The following ATAD2 variants were observed in gnomAD, a reference collection of about 807,000 sequenced individuals.
The protein encoded by ATAD2 is ATPase family AAA domain containing 2.
A neutral mutation model predicts 168.9 loss-of-function variants in ATAD2; 62 were observed. That is an observed-to-expected ratio of 0.37 (90% CI 0.30 to 0.45). The LOEUF (loss-of-function observed/expected upper bound fraction) is 0.45. ATAD2 is among the 20% of genes least tolerant of loss of function. ATAD2 has a pLI of 1.00. For synonymous variants in ATAD2, 613 were observed against 571.6 expected (o/e 1.07, Z -1.03); for missense variants, 1,419 against 1,667.8 (o/e 0.85, Z 2.60).
intron 8 of ATAD2, among the ~76,000 whole-genome samples, chr8:123,368,222 A>G (rs1290416403): frequency 6.6e-6 from 1 of 152,192 alleles, no homozygotes; most frequent in African/African-American, 2.4e-5. Context: ...GTTTGAGACC[A>G]GCCTGGCCAA....
At chr8:123,414,759 A>G (rs1401415209) in intron 1 of ATAD2, among the ~76,000 whole-genome samples, 1 of 152,238 alleles carries the variant, frequency 6.6e-6, no homozygotes, top group Non-Finnish European at 1.5e-5. Context: ...AAGAAAGGTT[A>G]TTGCCAGGCT....
Position 123,347,454 on chromosome 8 carries a change from G to C in ATAD2, c.1898-48C>G, listed in dbSNP as rs530864988. 2.3e-5 allele frequency: 34 copies of C among 1,473,146 alleles called. No individual in the cohort carries two copies. In the Admixed American group the frequency reaches 7.3e-4, roughly 32 times the overall value. 91.3% of individuals were successfully genotyped at this position (1,473,146 alleles called of 1,614,324 possible). A position where few individuals can be genotyped will look rare whatever the true frequency, so the allele number is the denominator to read the frequency against. On this transcript the variant is annotated intron_variant, in intron 15 of 27. Transcript: ENST00000287394. ...GAAAAGAACCAGCCGACCAAACAAA[G>C]AAACACAAAACTCTATTAGCATGAC...
At chr8:123,327,150 A>C (rs1827637697) in intron 25 of ATAD2, among the ~76,000 whole-genome samples, 2 of 151,968 alleles carry the variant, frequency 1.3e-5, no homozygotes, top group Non-Finnish European at 2.9e-5. Context: ...CTCGTGATCC[A>C]CCCACAGCCT....
At chr8:123,358,723 CTTTTTTTTT>C (rs772822406) in intron 11 of ATAD2, among the ~76,000 whole-genome samples, 10 of 76,852 alleles carry the variant, frequency 1.3e-4, no homozygotes, top group South Asian at 4.2e-4. Flanking sequence ...TGGTACATTA[CTTTTTTTTT>C]TTTTTTTTTT....
chr8:123,349,023 TC>T (rs1828359268), intron 14 of ATAD2, among the ~76,000 whole-genome samples: 1 of 152,198 alleles, frequency 6.6e-6, no homozygotes. Flanking sequence ...GATTGATTAC[TC>T]ATTAAGCCAT....
chr8:123,401,610 T>A, intron 1 of ATAD2: 1 of 1,132,220 alleles, frequency 8.8e-7, no homozygotes, highest in Non-Finnish European at 1.3e-6. Context: ...GGGCACTGTG[T>A]GTACAAGGTG....
At chr8:123,383,507 C>A (rs1046852208) in intron 1 of ATAD2, among the ~76,000 whole-genome samples, 1 of 152,200 alleles carries the variant, frequency 6.6e-6, no homozygotes. Context: ...CATGGTGGCT[C>A]ATGCCTGTAA....
intron 1 of ATAD2, among the ~76,000 whole-genome samples, chr8:123,395,852 G>A (rs556606430): frequency 1.3e-5 from 2 of 152,302 alleles, no homozygotes; most frequent in African/African-American, 4.8e-5. Context: ...AGGAGCCTGG[G>A]CGATCGATCG....
intron 18 of ATAD2, 84 bp from the exon 19 acceptor site, chr8:123,345,153 C>T (rs1360332936): frequency 1.6e-6 from 2 of 1,283,906 alleles, no homozygotes; most frequent in African/African-American, 3.0e-5. Flanking sequence ...AATGTTTAAC[C>T]TCCCAGGAGT....
chr8:123,381,912 G>T (rs1402904307), intron 1 of ATAD2, among the ~76,000 whole-genome samples: 2 of 152,102 alleles, frequency 1.3e-5, no homozygotes. Flanking sequence ...TGGGCCTGGT[G>T]GTGCGTGCAT....
chr8:123,389,690 C>T (rs1413182353), intron 1 of ATAD2, among the ~76,000 whole-genome samples: 2 of 151,456 alleles, frequency 1.3e-5, no homozygotes, highest in African/African-American at 4.8e-5. Flanking sequence ...ACTTCTTTAG[C>T]TGGAAACAAC....
At chr8:123,337,893 C>T (rs1827961299) in intron 20 of ATAD2, 72 bp from the exon 21 acceptor site, 1 of 1,406,892 alleles carries the variant, frequency 7.1e-7, no homozygotes, top group Non-Finnish European at 9.5e-7. Flanking sequence ...TTAATGAAAA[C>T]AGAGTCAGGA....
At chr8:123,389,349 C>T (rs1829742107) in intron 1 of ATAD2, among the ~76,000 whole-genome samples, 1 of 149,330 alleles carries the variant, frequency 6.7e-6, no homozygotes, top group African/African-American at 2.5e-5. Flanking sequence ...CATAAAACTC[C>T]CAATGGTCGG....
At chr8:123,369,222 TGGCATACAA>T in intron 7 of ATAD2, 47 bp from the exon 8 acceptor site, 1 of 705,916 alleles carries the variant, frequency 1.4e-6, no homozygotes, top group Non-Finnish European at 1.9e-6. Context: ...TATATATATA[TGGCATACAA>T]ATATGTATGA....
intron 1 of ATAD2, among the ~76,000 whole-genome samples, chr8:123,404,924 T>A (rs1168986956): frequency 6.6e-6 from 1 of 152,232 alleles, no homozygotes; most frequent in African/African-American, 2.4e-5. Flanking sequence ...GAGATCTCAG[T>A]TATATCTGCA....
chr8:123,323,090 T>C (rs1202696829), intron 26 of ATAD2, 24 bp from the exon 27 acceptor site: 2 of 1,597,860 alleles, frequency 1.3e-6, no homozygotes, highest in African/African-American at 1.3e-5. Flanking sequence ...TGAGTGTCAA[T>C]ATGTGTGAGA....
chr8:123,389,291 T>C (rs1162930574), intron 1 of ATAD2, among the ~76,000 whole-genome samples: 1 of 148,854 alleles, frequency 6.7e-6, no homozygotes, highest in East Asian at 2.0e-4. Context: ...TTTGCTGTTT[T>C]CTATTCATCC....
At chr8:123,401,380 G>A (rs528441467), upstream of ATAD2, 68 of 1,408,990 alleles carry the variant, frequency 4.8e-5, no homozygotes, top group African/African-American at 2.4e-4. Flanking sequence ...GGGTGTCGAC[G>A]TCATAGTCTT....
At chr8:123,409,666 G>A (rs1563873553) in intron 1 of ATAD2, among the ~76,000 whole-genome samples, 2 of 151,568 alleles carry the variant, frequency 1.3e-5, no homozygotes, top group African/African-American at 2.4e-5. Context: ...TCTAGTTTTC[G>A]TTTTTAAATA....
Sources: allele counts gnomAD v4.1 joint callset (sites outside exome capture counted in the v4.1 genomes callset), GRCh38; gene constraint gnomAD v4.1.1; transcripts MANE v1.5; gene names NCBI Gene and HGNC (gene_info 2026-07-23, HGNC 2026-07-21).